Variants in NRG2 observed in about 807,000 individuals in gnomAD.
NRG2 encodes the protein pro-neuregulin-2, membrane-bound isoform.
In NRG2, 27 loss-of-function variants were observed where a neutral mutation model predicts 73.9. The observed-to-expected ratio is 0.37, with a 90% CI of 0.27 to 0.50. The LOEUF (loss-of-function observed/expected upper bound fraction) is 0.50. NRG2 is among the 20% of genes least tolerant of loss of function. The pLI, the probability that NRG2 is intolerant of heterozygous loss-of-function variation, is 0.96. For missense variants in NRG2, 1,126 were observed against 1,210.1 expected, an observed-to-expected ratio of 0.93 and a Z score of 1.03; for synonymous variants, 532 against 541.0, an observed-to-expected ratio of 0.98 and a Z score of 0.23.
At chr5:139,999,645 C>T (rs1236508149) in intron 1 of NRG2, among the ~76,000 whole-genome samples, 3 of 152,210 alleles carry the variant, frequency 2.0e-5, no homozygotes, top group Non-Finnish European at 2.9e-5. Flanking sequence ...CCCCACTGTG[C>T]AGTGTCCCAT....
intron 1 of NRG2, among the ~76,000 whole-genome samples, chr5:140,021,789 C>T (rs1760251640): frequency 6.6e-6 from 1 of 152,140 alleles, no homozygotes; most frequent in African/African-American, 2.4e-5. Context: ...GAACACAACG[C>T]ATGAAACAAG....
intron 1 of NRG2, among the ~76,000 whole-genome samples, chr5:139,987,210 A>G (rs958574628): frequency 5.0e-5 from 7 of 141,036 alleles, no homozygotes; most frequent in Non-Finnish European, 1.6e-5. Context: ...CATCTCTACT[A>G]AAATACAAAA....
chr5:139,959,459 C>A (rs1263121000), intron 1 of NRG2, among the ~76,000 whole-genome samples: 2 of 152,270 alleles, frequency 1.3e-5, no homozygotes, highest in Non-Finnish European at 2.9e-5. Flanking sequence ...TCACCACAAC[C>A]TCTGCCTCCT....
rs3082489 is a variant in NRG2 at position 139,876,925 on chromosome 5, C to CTGTGTGTGTG, written c.991+3921_991+3930dup. On this transcript the variant is annotated intron_variant, in intron 3 of 9. Transcript: ENST00000361474. Reference sequence around the variant, plus strand: ...ATGCGTGACTGACATGAATGTGCATCTGTGTGTGTGTGTGTGTGTGTGTGT... The same window carrying CTGTGTGTGTG: ...ATGCGTGACTGACATGAATGTGCATCTGTGTGTGTGTGTGTGTGTGTGTGTGTGTGTGTGT... 5.7e-3 allele frequency among the ~76,000 whole-genome samples: 811 copies of CTGTGTGTGTG among 142,002 alleles called. 21 individuals carry two copies. The South Asian group carries it at 0.077, about 14-fold the overall frequency. The allele number at this position is 142,002 out of a possible 152,430, so 93.2% of individuals were successfully genotyped here. A position where few individuals can be genotyped will look rare whatever the true frequency, so the allele number is the denominator to read the frequency against.
intron 1 of NRG2, among the ~76,000 whole-genome samples, chr5:140,031,645 A>G (rs891595585): frequency 1.3e-5 from 2 of 152,156 alleles, no homozygotes. Context: ...CTGACTGGTA[A>G]ATAAACCCTC....
chr5:139,969,372 G>A (rs1226293362), intron 1 of NRG2, among the ~76,000 whole-genome samples: 1 of 152,232 alleles, frequency 6.6e-6, no homozygotes, highest in Non-Finnish European at 1.5e-5. Flanking sequence ...CAGAGGGACA[G>A]ACATAAGGCT....
rs770151251 is a variant in NRG2, at chr5:140,002,217, G to T, written c.700+40153C>A. On this transcript the variant is annotated intron_variant, in intron 1 of 9. Coordinates refer to ENST00000361474, the MANE Select transcript of NRG2 (RefSeq NM_004883.3). ...ATAAAGTAAATAAATAAATATTAGAGCTGTGACAGGGGAAAAAAAGACAAA... is the reference window on the plus strand; with the variant it reads ...ATAAAGTAAATAAATAAATATTAGATCTGTGACAGGGGAAAAAAAGACAAA... Among the ~76,000 whole-genome samples, 3 of 152,068 alleles carry T rather than the reference G, an allele frequency of 2.0e-5. No individual in the cohort carries two copies. The East Asian group carries it at 5.8e-4, about 29-fold the overall frequency.
intron 1 of NRG2, among the ~76,000 whole-genome samples, chr5:139,977,548 CCAT>C (rs1229718657): frequency 2.0e-5 from 3 of 152,272 alleles, no homozygotes; most frequent in African/African-American, 7.2e-5. Flanking sequence ...AATGCCATCC[CCAT>C]CAAGCTACCA....
intron 1 of NRG2, among the ~76,000 whole-genome samples, chr5:139,912,384 G>A (rs1750897972): frequency 6.6e-6 from 1 of 152,046 alleles, no homozygotes. Context: ...CCCAGGCTTG[G>A]CTGCTCCTGG....
chr5:139,951,841 G>T (rs750008269), intron 1 of NRG2, among the ~76,000 whole-genome samples: 9 of 152,238 alleles, frequency 5.9e-5, no homozygotes, highest in Non-Finnish European at 1.3e-4. Context: ...GCCTGGCCTG[G>T]CAGGAAGGAC....
intron 1 of NRG2, among the ~76,000 whole-genome samples, chr5:139,966,107 G>A (rs926391369): frequency 9.9e-5 from 15 of 151,980 alleles, no homozygotes; most frequent in African/African-American, 3.6e-4. Flanking sequence ...CACATAGCAG[G>A]GACTCAGTAA....
intron 1 of NRG2, among the ~76,000 whole-genome samples, chr5:139,921,829 A>G (rs1490445002): frequency 1.3e-5 from 2 of 152,208 alleles, no homozygotes; most frequent in African/African-American, 4.8e-5. Context: ...TGACAGGTCA[A>G]GGTCGGTGGA....
rs553688273 is a variant in NRG2 at position 139,942,355 on chromosome 5, T to C, written c.701-54844A>G. On this transcript the variant is annotated intron_variant, in intron 1 of 9. Transcript: ENST00000361474. ...GACCACAAGCTTTAAACATTTTATG[T>C]TTTCATAAGTTTTGTAAATTTCCCC... Among the ~76,000 whole-genome samples, 108 of 152,324 alleles carry C rather than the reference T, an allele frequency of 7.1e-4. 2 individuals are homozygous for C. The highest frequency in any genetic ancestry group is 6.9e-3 in the Admixed American group (105 of 15,298).
rs1762029348 is a variant in NRG2 at position 140,042,683 on chromosome 5, C to T, written c.387G>A (p.Val129=). ...SVQDQAYKAP[V]VVEGKVQGLV... is the part of the protein sequence containing the mutation. ...GCCCCTGTACCTTGCCCTCCACCAC[C>T]ACGGGTGCCTTGTACGCCTGGTCCT... The change falls in exon 1 of 10, where the codon GTG becomes GTA. Residue 129 remains valine (V), a synonymous_variant. Coordinates refer to ENST00000361474, the MANE Select transcript of NRG2 (RefSeq NM_004883.3). The T allele has an allele frequency of 1.3e-6, 2 of 1,588,502 alleles. No individual in the cohort carries two copies. Among genetic ancestry groups the T allele is most frequent in the South Asian group, 2.3e-5 (2 of 87,796 alleles).
chr5:139,916,751 G>T (rs1580728057), intron 1 of NRG2, among the ~76,000 whole-genome samples: 1 of 152,166 alleles, frequency 6.6e-6, no homozygotes, highest in South Asian at 2.1e-4. Flanking sequence ...TGGCCGAATA[G>T]TATTCCATTA....
At chr5:139,860,053 CAGGT>C in intron 5 of NRG2, 2 of 827,336 alleles carry the variant, frequency 2.4e-6, no homozygotes, top group South Asian at 3.2e-5. Context: ...GAGGTGAAAG[CAGGT>C]TAGTAGTGTC....
At chr5:139,969,976 A>G (rs1436225947) in intron 1 of NRG2, among the ~76,000 whole-genome samples, 2 of 152,264 alleles carry the variant, frequency 1.3e-5, no homozygotes, top group Non-Finnish European at 2.9e-5. Context: ...TGTGCCAGGC[A>G]TTGTGCCCCT....
chr5:139,957,841 G>T (rs1754753183), intron 1 of NRG2, among the ~76,000 whole-genome samples: 1 of 152,180 alleles, frequency 6.6e-6, no homozygotes, highest in Non-Finnish European at 1.5e-5. Flanking sequence ...TGGAAGAGAA[G>T]CCCCAAGCAC....
intron 1 of NRG2, among the ~76,000 whole-genome samples, chr5:139,932,593 G>A (rs1262241500): frequency 6.6e-6 from 1 of 151,996 alleles, no homozygotes; most frequent in African/African-American, 2.4e-5. Context: ...AATTGTATTT[G>A]GGATTTTGGT....
Sources: allele counts gnomAD v4.1 joint callset (sites outside exome capture counted in the v4.1 genomes callset), GRCh38; gene constraint gnomAD v4.1.1; transcripts MANE v1.5; gene names NCBI Gene and HGNC (gene_info 2026-07-23, HGNC 2026-07-21).